Variants in MKRN1 observed in about 807,000 individuals in gnomAD.
MKRN1 encodes the protein makorin ring finger protein 1.
Under a neutral mutation model 55.5 loss-of-function variants are expected in MKRN1, and 9 were observed. The observed-to-expected ratio is 0.16, with a 90% CI of 0.10 to 0.28. The LOEUF (loss-of-function observed/expected upper bound fraction) is 0.28, where lower values mean the gene tolerates loss of function less well. MKRN1 is among the 10% of genes least tolerant of loss of function. The pLI, the probability that MKRN1 is intolerant of heterozygous loss-of-function variation, is 1.00. For missense variants in MKRN1, 488 were observed against 626.7 expected (o/e 0.78, Z 2.36); for synonymous variants, 253 against 235.9 (o/e 1.07, Z -0.66).
At chr7:140,478,288 A>G (rs1795183135) in intron 1 of MKRN1, 1 of 152,224 alleles carries the variant, frequency 6.6e-6, no homozygotes, top group Admixed American at 6.5e-5. Context: ...GCGTAGAGCT[A>G]GGTAGTTTTT....
At chr7:140,479,099 G>A in intron 1 of MKRN1, 61 bp downstream of exon 1, 10 of 1,254,920 alleles carry the variant, frequency 8.0e-6, no homozygotes, top group East Asian at 3.3e-5. Flanking sequence ...TCCCTCCCGC[G>A]CCGCAGGCTT....
intron 4 of MKRN1, 21 bp downstream of exon 4, chr7:140,458,986 C>A: frequency 6.2e-7 from 1 of 1,609,728 alleles, no homozygotes; most frequent in Non-Finnish European, 8.5e-7. Flanking sequence ...TAATAACACA[C>A]ACATCTCCCT....
intron 1 of MKRN1, chr7:140,475,443 T>C (rs780015373): frequency 5.6e-5 from 15 of 266,206 alleles, no homozygotes; most frequent in Non-Finnish European, 1.1e-4. Context: ...GTGAAACACT[T>C]GAGCTTAGGA....
In MKRN1 at chr7:140,469,559, T is replaced by C. The variant is rs946937553; in HGVS notation, c.314+2324A>G. On this transcript the variant is annotated intron_variant, in intron 2 of 7. Transcript: ENST00000255977. ...GCTTTTCCTTGCCTCCTCTGTTAAA[T>C]TGTTTGCTCTGGGGAAAGCTAGCTG... Among the ~76,000 whole-genome samples the C allele has an allele frequency of 2.6e-5, 4 of 152,036 alleles. No individual in the cohort carries two copies. The East Asian group carries it at 7.8e-4, about 30-fold the overall frequency.
intron 5 of MKRN1, 158 bp from the exon 6 acceptor site, chr7:140,456,058 T>A: frequency 1.1e-6 from 1 of 946,918 alleles, no homozygotes; most frequent in Non-Finnish European, 1.5e-6. Context: ...CAACTGACCA[T>A]TTCTTTCAAG....
chr7:140,456,068 G>A (rs1215350790), intron 5 of MKRN1, 168 bp from the exon 6 acceptor site: 1 of 961,164 alleles, frequency 1.0e-6, no homozygotes, highest in Non-Finnish European at 1.4e-6. Flanking sequence ...TTTCTTTCAA[G>A]CAAGGCAACC....
At chr7:140,476,476 A>G (rs1795119958) in intron 1 of MKRN1, among the ~76,000 whole-genome samples, 1 of 148,642 alleles carries the variant, frequency 6.7e-6, no homozygotes, top group Non-Finnish European at 1.5e-5. Flanking sequence ...CATCTCAAAA[A>G]AAAAAAAAAA....
chr7:140,462,153 G>A (rs186938029), intron 2 of MKRN1, among the ~76,000 whole-genome samples: 1 of 151,946 alleles, frequency 6.6e-6, no homozygotes. Flanking sequence ...TTAGCCTCCT[G>A]AGTAGCTGGG....
At chr7:140,478,884 G>T (rs1040809206) in intron 1 of MKRN1, 1 of 291,190 alleles carries the variant, frequency 3.4e-6, no homozygotes. Context: ...TCAGGGAAGT[G>T]TAAGCGGCGG....
At chr7:140,455,496 T>C (rs2272096) in intron 6 of MKRN1, 101,502 of 567,510 alleles carry the variant, frequency 0.18, 15,675 homozygotes, top group African/African-American at 0.64. Flanking sequence ...AGCCAACACA[T>C]GAGAACATAG....
At chr7:140,477,098 CAAAAAA>C (rs35476052) in intron 1 of MKRN1, among the ~76,000 whole-genome samples, 2 of 83,504 alleles carry the variant, frequency 2.4e-5, no homozygotes, top group African/African-American at 7.5e-5. Context: ...AACTCTGTCT[CAAAAAA>C]AAAAAAAAAA....
chr7:140,461,188 T>C (rs909385104), intron 2 of MKRN1, among the ~76,000 whole-genome samples: 9 of 152,334 alleles, frequency 5.9e-5, no homozygotes, highest in Non-Finnish European at 1.2e-4. Context: ...AGACAATATT[T>C]ATACAATACA....
chr7:140,473,210 C>CAAAAA (rs534529617), intron 1 of MKRN1: 46 of 370,376 alleles, frequency 1.2e-4, no homozygotes, highest in East Asian at 4.0e-4. Flanking sequence ...ATGATACCAC[C>CAAAAA]AAAAAAAAAA....
chr7:140,455,768 G>C (rs766899412), intron 6 of MKRN1, 22 bp downstream of exon 6: 11 of 1,577,312 alleles, frequency 7.0e-6, no homozygotes, highest in Non-Finnish European at 8.7e-6. Context: ...CTTCGCTTGA[G>C]AAAAGGCTGC....
At position 140,479,188 on chromosome 7, in the gene MKRN1, C is replaced by T. The variant is rs1361369501; in HGVS notation, c.157G>A (p.Gly53Ser). Residue 53 changes from glycine to serine, a missense_variant, in exon 1 of 8, where the codon GGC (glycine) becomes AGC (serine). By Grantham distance (56) the Gly-to-Ser change is moderately conservative. Coordinates refer to ENST00000255977, the MANE Select transcript of MKRN1 (RefSeq NM_013446.4). ...GGGGGSDGSG[G>S]GWTKQVTCRY... The stretch of plus-strand genomic sequence containing the variant: ...CAGGTGACCTGTTTAGTCCAGCCGC[C>T]GCCGCTGCCGTCGCTGCCGCCGCCC... 5 of 1,461,712 alleles carry T rather than the reference C, an allele frequency of 3.4e-6. No homozygotes were observed. The highest frequency in any genetic ancestry group is 2.7e-6 in the Non-Finnish European group (3 of 1,108,542). 90.5% of individuals were successfully genotyped at this position (1,461,712 alleles called of 1,614,324 possible).
At position 140,454,636 on chromosome 7, in the gene MKRN1, G is replaced by A. The variant is rs1249176961; in HGVS notation, c.1330C>T (p.Leu444=). ...AAAAGCATAAGCAACATCTCGCCCA[G>A]CTCAAAGGTGACAACCTCTTCTTCA... ...NDEEEVVTFE[L]GEMLLMLLAA... Residue 444 remains leucine, a synonymous_variant, in exon 8 of 8, where the codon CTG becomes TTG. Transcript: ENST00000255977. 6.2e-7 allele frequency: 1 copy of A among 1,613,834 alleles called. No individual in the cohort carries two copies. Among genetic ancestry groups the A allele is most frequent in the Non-Finnish European group, 8.5e-7 (1 of 1,179,866 alleles).
In MKRN1 at chr7:140,462,310, C is replaced by A. The variant is rs1032365161; in HGVS notation, c.315-2374G>T. Among the ~76,000 whole-genome samples, 3 of 152,142 alleles carry A rather than the reference C, an allele frequency of 2.0e-5. No homozygotes were observed. The South Asian group carries it at 6.2e-4, about 32-fold the overall frequency. On this transcript the variant is annotated intron_variant, in intron 2 of 7. Transcript: ENST00000255977. Reference sequence around the variant, plus strand: ...TCCCAAAGTGATAGGCATGAGCCACCGTGCTCGGCACACCGAGTTTTATTC... The same window carrying A: ...TCCCAAAGTGATAGGCATGAGCCACAGTGCTCGGCACACCGAGTTTTATTC...
intron 5 of MKRN1, 95 bp downstream of exon 5, chr7:140,456,557 A>T: frequency 6.6e-7 from 1 of 1,517,254 alleles, no homozygotes; most frequent in Non-Finnish European, 8.9e-7. Flanking sequence ...AAATGCATGC[A>T]TTTAAATGCG....
rs1207201081 is a variant in MKRN1 at position 140,459,851 on chromosome 7, G to C, written c.400C>G (p.Leu134Val). ...TKSSLAASSSLSSIVGPLVEM... is the reference protein window; with the variant it reads ...TKSSLAASSSVSSIVGPLVEM... The stretch of plus-strand genomic sequence containing the variant: ...ACAAGTGGTCCAACTATCGATGAGA[G>C]ACTTGAGGAAGCAGCAAGGGATGAC... Residue 134 changes from leucine (L) to valine (V), a missense_variant, in exon 3 of 8, where the codon CTC (leucine) becomes GTC (valine). Coordinates refer to ENST00000255977, the MANE Select transcript of MKRN1 (RefSeq NM_013446.4). 3 of 1,613,882 alleles carry C rather than the reference G, an allele frequency of 1.9e-6. No homozygotes were observed. Among genetic ancestry groups the C allele is most frequent in the African/African-American group, 2.7e-5 (2 of 74,918 alleles).
Sources: allele counts gnomAD v4.1 joint callset (sites outside exome capture counted in the v4.1 genomes callset), GRCh38; gene constraint gnomAD v4.1.1; transcripts MANE v1.5; gene names NCBI Gene and HGNC (gene_info 2026-07-23, HGNC 2026-07-21).